The following RBFOX1 variants were observed in gnomAD, a reference collection of about 807,000 sequenced individuals.
RBFOX1 encodes the protein RNA binding protein fox-1 homolog 1.
Under a neutral mutation model 57.7 loss-of-function variants are expected in RBFOX1, and 8 were observed. The observed-to-expected ratio is 0.14, with a 90% confidence interval of 0.08 to 0.25. The LOEUF (loss-of-function observed/expected upper bound fraction) is 0.25. Among genes scored for constraint, RBFOX1 ranks in the 10% least tolerant of loss-of-function variants. The pLI is 1.00. For missense variants in RBFOX1, 611 were observed against 548.5 expected (o/e 1.11, Z -1.14); for synonymous variants, 326 against 222.4 (o/e 1.47, Z -4.15).
At chr16:6,440,171 G>A (rs569595577) in intron 2 of RBFOX1, among the ~76,000 whole-genome samples, 24 of 151,982 alleles carry the variant, frequency 1.6e-4, no homozygotes, top group African/African-American at 5.3e-4. Flanking sequence ...TCTTGACCTC[G>A]TGATTCGTCC....
intron 1 of RBFOX1, among the ~76,000 whole-genome samples, chr16:6,054,751 G>T (rs2095594152): frequency 6.6e-6 from 1 of 152,138 alleles, no homozygotes; most frequent in East Asian, 1.9e-4. Flanking sequence ...AGATTCATCG[G>T]TGGATGTTAT....
At chr16:6,964,359 C>T (rs2083644257) in intron 3 of RBFOX1, among the ~76,000 whole-genome samples, 1 of 152,134 alleles carries the variant, frequency 6.6e-6, no homozygotes, top group African/African-American at 2.4e-5. Context: ...CTCTATGTGA[C>T]ACTGTAATGG....
At chr16:7,486,034 C>T (rs10400951) in intron 4 of RBFOX1, among the ~76,000 whole-genome samples, 27,897 of 149,806 alleles carry the variant, frequency 0.19, 2,905 homozygotes, top group East Asian at 0.4. Context: ...CAGGAAAACA[C>T]AATTTCTGAT....
chr16:6,758,986 A>C (rs547006322), intron 3 of RBFOX1, among the ~76,000 whole-genome samples: 313 of 152,268 alleles, frequency 2.1e-3, no homozygotes, highest in African/African-American at 7.2e-3. Flanking sequence ...GTTGAACTTA[A>C]ATCTATTCAG....
At position 6,496,539 on chromosome 16, in the gene RBFOX1, T is replaced by G. The variant is rs138326106; in HGVS notation, c.-63-158064T>G. ...GCCTGCCCACTTGAACGTATCAGTT[T>G]AGGCACAGTTATCCAAAGCTGTTGC... On this transcript the variant is annotated intron_variant, in intron 2 of 15. Transcript: ENST00000550418. 5.9e-3 allele frequency among the ~76,000 whole-genome samples: 905 copies of G among 152,340 alleles called. 4 individuals are homozygous for G. The highest frequency in any genetic ancestry group is 0.048 in the Middle Eastern group (14 of 294).
intron 3 of RBFOX1, among the ~76,000 whole-genome samples, chr16:6,848,385 A>C (rs2093880012): frequency 6.6e-6 from 1 of 152,266 alleles, no homozygotes; most frequent in Admixed American, 6.5e-5. Context: ...GTTAGTCACT[A>C]ATACAAAGTT....
chr16:6,144,847 A>C (rs777526380), intron 1 of RBFOX1, among the ~76,000 whole-genome samples: 1 of 152,200 alleles, frequency 6.6e-6, no homozygotes, highest in Non-Finnish European at 1.5e-5. Flanking sequence ...ACAAACTGTG[A>C]ATCATCCCTC....
At chr16:5,974,725 C>G (rs1012760449) in intron 4 of RBFOX1, among the ~76,000 whole-genome samples, 8 of 151,484 alleles carry the variant, frequency 5.3e-5, no homozygotes, top group African/African-American at 1.9e-4. Flanking sequence ...AAGTAAAAAC[C>G]AAGCCAGGCG....
chr16:5,751,624 C>T (rs1271981647), intron 3 of RBFOX1, among the ~76,000 whole-genome samples: 1 of 152,136 alleles, frequency 6.6e-6, no homozygotes, highest in Admixed American at 6.5e-5. Context: ...AGCAGAACCG[C>T]ATCAGTCTCA....
intron 4 of RBFOX1, among the ~76,000 whole-genome samples, chr16:7,316,225 G>A (rs1280782537): frequency 6.6e-6 from 1 of 152,204 alleles, no homozygotes; most frequent in Non-Finnish European, 1.5e-5. Context: ...ATTCAAGGCA[G>A]CAGTTACTAT....
chr16:7,449,151 A>G (rs2098831908), intron 4 of RBFOX1, among the ~76,000 whole-genome samples: 1 of 151,252 alleles, frequency 6.6e-6, no homozygotes, highest in Non-Finnish European at 1.5e-5. Flanking sequence ...CTGGTCTCGA[A>G]CTCCCGACTT....
At chr16:5,688,795 A>G (rs1322286076) in intron 3 of RBFOX1, among the ~76,000 whole-genome samples, 1 of 152,226 alleles carries the variant, frequency 6.6e-6, no homozygotes, top group Admixed American at 6.5e-5. Flanking sequence ...GTAACTTGAG[A>G]AAGTGGAATG....
chr16:5,414,287 C>G (rs1444309786), intron 1 of RBFOX1, among the ~76,000 whole-genome samples: 9 of 152,150 alleles, frequency 5.9e-5, no homozygotes, highest in Non-Finnish European at 4.4e-5. Flanking sequence ...GCACAAGTCT[C>G]TCTCCCAGTT....
intron 1 of RBFOX1, among the ~76,000 whole-genome samples, chr16:6,161,253 G>A (rs776247506): frequency 6.6e-6 from 1 of 152,180 alleles, no homozygotes; most frequent in South Asian, 2.1e-4. Context: ...GCTTGGCATG[G>A]TGGTGCACGC....
intron 3 of RBFOX1, among the ~76,000 whole-genome samples, chr16:6,845,763 G>T (rs1313690625): frequency 6.6e-6 from 1 of 152,100 alleles, no homozygotes; most frequent in Non-Finnish European, 1.5e-5. Flanking sequence ...ACTCACACTG[G>T]TCTTTTATCA....
At chr16:5,894,360 T>G (rs1277967103) in intron 4 of RBFOX1, among the ~76,000 whole-genome samples, 1 of 152,148 alleles carries the variant, frequency 6.6e-6, no homozygotes, top group East Asian at 1.9e-4. Flanking sequence ...TTGGCTCACT[T>G]TCACCTCCAC....
rs186291795 is a variant in RBFOX1, at chr16:6,746,589, G to A, written c.-16+91939G>A. Among the ~76,000 whole-genome samples, 4 of 152,024 alleles carry A rather than the reference G, an allele frequency of 2.6e-5. No homozygotes were observed. In the East Asian group the frequency reaches 5.8e-4, roughly 22 times the overall value. On this transcript the variant is annotated intron_variant, in intron 3 of 15. Coordinates refer to ENST00000550418, the MANE Select transcript of RBFOX1 (RefSeq NM_018723.4). ...GCTACCTGGGAGGCTGAACTGGGGGGATCACCTGAACCTGGGAAGTTGAGG... is the reference window on the plus strand; with the variant it reads ...GCTACCTGGGAGGCTGAACTGGGGGAATCACCTGAACCTGGGAAGTTGAGG...
intron 5 of RBFOX1, among the ~76,000 whole-genome samples, chr16:7,572,944 A>G (rs2152787234): frequency 6.6e-6 from 1 of 152,252 alleles, no homozygotes; most frequent in East Asian, 1.9e-4. Flanking sequence ...TGAACAGAAA[A>G]GCCACAGTCT....
At chr16:7,572,051 T>C (rs3785243) in intron 5 of RBFOX1, among the ~76,000 whole-genome samples, 58,501 of 151,674 alleles carry the variant, frequency 0.39, 11,630 homozygotes, top group South Asian at 0.52. Context: ...CGCTTGAACC[T>C]GGCAGACGGA....
Sources: gnomAD v4.1 joint callset for allele counts (sites outside exome capture counted in the v4.1 genomes callset) on GRCh38, gnomAD v4.1.1 for gene constraint, MANE v1.5 for transcripts, NCBI Gene and HGNC (gene_info 2026-07-23, HGNC 2026-07-21) for gene names.